P4HA1: variants seen among roughly 807,000 people sequenced by gnomAD.
The protein encoded by P4HA1 is prolyl 4-hydroxylase subunit alpha 1.
Under a neutral mutation model 72.8 loss-of-function variants are expected in P4HA1, and 24 were observed. The observed-to-expected ratio is 0.33, with a 90% CI of 0.24 to 0.46. P4HA1 has a LOEUF of 0.46. Ranked by LOEUF, P4HA1 falls within the 20% of genes least tolerant of loss-of-function variation. The pLI, the probability that P4HA1 is intolerant of heterozygous loss-of-function variation, is 1.00. For synonymous variants in P4HA1, 201 were observed against 218.8 expected (o/e 0.92, Z 0.72); for missense variants, 446 against 640.6 (o/e 0.70, Z 3.28).
intron 10 of P4HA1, among the ~76,000 whole-genome samples, chr10:73,027,782 A>C (rs1840319142): frequency 2.1e-5 from 3 of 144,430 alleles, no homozygotes; most frequent in Non-Finnish European, 4.6e-5. Context: ...GGAAGGAAGC[A>C]AGCAAACATG....
At chr10:73,095,074 CAAAAACAATGGCAGGACT>C (rs2133178550) in intron 1 of P4HA1, among the ~76,000 whole-genome samples, 1 of 152,110 alleles carries the variant, frequency 6.6e-6, no homozygotes, top group African/African-American at 2.4e-5. Flanking sequence ...CATCAGCTAT[CAAAAACAATGGCAGGACT>C]TAAGGCACAA....
chr10:73,025,300 G>C (rs180706028), intron 10 of P4HA1, among the ~76,000 whole-genome samples: 83 of 152,310 alleles, frequency 5.4e-4, no homozygotes, highest in African/African-American at 2.0e-3. Context: ...TGGGATGCAA[G>C]GCTGGTTCAA....
chr10:73,085,243 GAAATA>G (rs747151650), intron 1 of P4HA1, among the ~76,000 whole-genome samples: 13 of 152,074 alleles, frequency 8.5e-5, no homozygotes, highest in Non-Finnish European at 2.9e-5. Flanking sequence ...AGAAGCCAAA[GAAATA>G]AATAAATTGA....
intron 9 of P4HA1, 124 bp downstream of exon 9, chr10:73,044,857 T>C: frequency 1.5e-6 from 1 of 661,928 alleles, no homozygotes; most frequent in South Asian, 2.1e-5. Context: ...TTATCCTGTT[T>C]ATATACAGGG....
chr10:73,016,221 T>G (rs576072555), intron 11 of P4HA1, among the ~76,000 whole-genome samples: 1 of 152,200 alleles, frequency 6.6e-6, no homozygotes, highest in African/African-American at 2.4e-5. Flanking sequence ...CTTCCCTGAC[T>G]TCAGCAAGAA....
At chr10:73,066,257 AT>A (rs1165530574) in intron 5 of P4HA1, among the ~76,000 whole-genome samples, 3 of 152,148 alleles carry the variant, frequency 2.0e-5, no homozygotes, top group Admixed American at 6.5e-5. Context: ...CTTATAAGGA[AT>A]TTGCCTGAAA....
chr10:73,039,047 C>G (rs1033715712), intron 9 of P4HA1, among the ~76,000 whole-genome samples: 1 of 152,134 alleles, frequency 6.6e-6, no homozygotes, highest in East Asian at 1.9e-4. Flanking sequence ...AATACCAATA[C>G]TCTGGGAGGA....
At chr10:73,065,087 T>C (rs1841389360) in intron 5 of P4HA1, 1 of 152,232 alleles carries the variant, frequency 6.6e-6, no homozygotes, top group Non-Finnish European at 1.5e-5. Flanking sequence ...GAGAATCTAC[T>C]GTTTGCTATA....
intron 13 of P4HA1, 92 bp downstream of exon 13, chr10:73,010,877 A>G: frequency 2.1e-6 from 2 of 938,612 alleles, no homozygotes; most frequent in East Asian, 5.0e-5. Context: ...AAAAGAAAAA[A>G]AAATGTAATT....
chr10:73,075,128 T>C (rs1841666892), intron 1 of P4HA1, among the ~76,000 whole-genome samples: 1 of 152,174 alleles, frequency 6.6e-6, no homozygotes, highest in African/African-American at 2.4e-5. Context: ...TTTTTCTCTT[T>C]TGAAACAGAG....
intron 6 of P4HA1, 47 bp from the exon 7 acceptor site, chr10:73,051,296 T>C (rs187622770): frequency 2.0e-6 from 2 of 991,662 alleles, no homozygotes; most frequent in African/African-American, 3.2e-5. Flanking sequence ...TTCATGCTTG[T>C]TCAAGCATCA....
At chr10:73,090,591 G>A (rs7077281) in intron 1 of P4HA1, among the ~76,000 whole-genome samples, 23,437 of 152,032 alleles carry the variant, frequency 0.15, 2,964 homozygotes, top group African/African-American at 0.32. Flanking sequence ...AAATATATCA[G>A]TTTATTCAAT....
intron 1 of P4HA1, among the ~76,000 whole-genome samples, chr10:73,084,582 G>A (rs1028716723): frequency 1.3e-5 from 2 of 152,096 alleles, no homozygotes; most frequent in Non-Finnish European, 2.9e-5. Flanking sequence ...CCAATGTGCT[G>A]GGATTACAGA....
At chr10:73,015,788 T>C (rs1043566832) in intron 11 of P4HA1, among the ~76,000 whole-genome samples, 1 of 152,170 alleles carries the variant, frequency 6.6e-6, no homozygotes. Context: ...ATTGTTCAGT[T>C]TGCCTTTTGG....
At chr10:73,062,894 A>G (rs1841343413) in intron 5 of P4HA1, among the ~76,000 whole-genome samples, 1 of 152,182 alleles carries the variant, frequency 6.6e-6, no homozygotes, top group African/African-American at 2.4e-5. Context: ...ACAGAGTCCA[A>G]GCTTGGAGGT....
At chr10:73,047,224 C>A (rs1004083517) in intron 7 of P4HA1, 123 bp from the exon 8 acceptor site, 3 of 732,824 alleles carry the variant, frequency 4.1e-6, no homozygotes, top group East Asian at 5.5e-5. Flanking sequence ...GAAAAACATA[C>A]AAAAGAAGCA....
At chr10:73,017,601 G>A (rs959003952) in intron 10 of P4HA1, among the ~76,000 whole-genome samples, 2 of 151,650 alleles carry the variant, frequency 1.3e-5, no homozygotes, top group African/African-American at 2.4e-5. Context: ...TGCTGAACTC[G>A]CAATCCACTT....
chr10:73,027,791 T>G (rs78153009), intron 10 of P4HA1, among the ~76,000 whole-genome samples: 1 of 117,516 alleles, frequency 8.5e-6, no homozygotes, highest in African/African-American at 3.2e-5. Flanking sequence ...CAAGCAAACA[T>G]GGAAGGAAGG....
At chr10:73,041,576 C>G (rs1355857397) in intron 9 of P4HA1, among the ~76,000 whole-genome samples, 1 of 151,582 alleles carries the variant, frequency 6.6e-6, no homozygotes, top group Non-Finnish European at 1.5e-5. Flanking sequence ...ATTCTCTGAC[C>G]TTCCTCTAAA....
Sources: allele counts gnomAD v4.1 joint callset (sites outside exome capture counted in the v4.1 genomes callset), GRCh38; gene constraint gnomAD v4.1.1; transcripts MANE v1.5; gene names NCBI Gene and HGNC (gene_info 2026-07-23, HGNC 2026-07-21).